Variants in CDH13 observed in about 807,000 individuals in gnomAD.
The protein encoded by CDH13 is cadherin 13.
A neutral mutation model predicts 63.8 loss-of-function variants in CDH13; 24 were observed. The ratio of observed to expected loss-of-function variants is 0.38; its 90% CI spans 0.27 to 0.53. CDH13 has a LOEUF of 0.53. Ranked by LOEUF, CDH13 falls within the 20% of genes least tolerant of loss-of-function variation. The pLI, the probability that CDH13 is intolerant of heterozygous loss-of-function variation, is 0.85. For synonymous variants in CDH13, 503 were observed against 355.3 expected, an observed-to-expected ratio of 1.42 and a Z score of -4.67; for missense variants, 1,049 against 903.1, an observed-to-expected ratio of 1.16 and a Z score of -2.07.
chr16:83,119,835 C>T (rs557556829), intron 3 of CDH13, among the ~76,000 whole-genome samples: 27 of 152,220 alleles, frequency 1.8e-4, no homozygotes, highest in African/African-American at 5.8e-4. Context: ...AGCACAGACT[C>T]GATCAAAGGT....
chr16:82,979,323 T>C (rs1459770362), intron 2 of CDH13, among the ~76,000 whole-genome samples: 3 of 152,144 alleles, frequency 2.0e-5, no homozygotes, highest in Admixed American at 2.0e-4. Flanking sequence ...GGCAGAATTG[T>C]CTTTTGAAAT....
chr16:82,834,362 G>A (rs2038674303), intron 1 of CDH13, among the ~76,000 whole-genome samples: 1 of 152,136 alleles, frequency 6.6e-6, no homozygotes, highest in South Asian at 2.1e-4. Context: ...AAACATGCAG[G>A]CATTTCTTTC....
chr16:83,559,596 AGAAGGAAG>A (rs1320823979), intron 7 of CDH13, among the ~76,000 whole-genome samples: 2 of 151,626 alleles, frequency 1.3e-5, no homozygotes, highest in African/African-American at 4.9e-5. Context: ...GAGAGAGAAA[AGAAGGAAG>A]GAAGGAAGGA....
At chr16:82,789,411 C>T (rs1366747166) in intron 1 of CDH13, among the ~76,000 whole-genome samples, 1 of 152,148 alleles carries the variant, frequency 6.6e-6, no homozygotes, top group African/African-American at 2.4e-5. Context: ...ACACAGCTCA[C>T]CTTTGATGGT....
rs143176439 is a variant in CDH13 at position 83,758,557 on chromosome 16, C to T, written c.1681+10307C>T. On this transcript the variant is annotated intron_variant, in intron 11 of 13. Coordinates refer to ENST00000567109, the MANE Select transcript of CDH13 (RefSeq NM_001257.5). The stretch of plus-strand genomic sequence containing the variant: ...TTTGTGACCTCAGTCCCAGCCAGAG[C>T]GAGAAGGCAAACAAAAGAAATACTA... Among the ~76,000 whole-genome samples, 1,125 of 151,834 alleles carry T rather than the reference C, an allele frequency of 7.4e-3. 7 individuals are homozygous for T. The highest frequency in any genetic ancestry group is 0.034 in the Middle Eastern group (10 of 294).
chr16:83,790,735 C>T (rs1370298447), intron 13 of CDH13, among the ~76,000 whole-genome samples: 5 of 152,092 alleles, frequency 3.3e-5, no homozygotes, highest in Non-Finnish European at 7.4e-5. Flanking sequence ...ATGTCAGTGG[C>T]ATGAAGTGGA....
At chr16:82,895,290 C>T (rs1028492371) in intron 2 of CDH13, among the ~76,000 whole-genome samples, 1 of 152,166 alleles carries the variant, frequency 6.6e-6, no homozygotes, top group African/African-American at 2.4e-5. Context: ...GAAGAAAAGA[C>T]ACCCACACAT....
chr16:83,759,321 G>A (rs1440479667), intron 11 of CDH13, among the ~76,000 whole-genome samples: 1 of 152,046 alleles, frequency 6.6e-6, no homozygotes, highest in African/African-American at 2.4e-5. Context: ...AATAAATAAG[G>A]CCAAGTTGAT....
intron 6 of CDH13, among the ~76,000 whole-genome samples, chr16:83,417,887 GGA>G (rs1555545889): frequency 6.6e-6 from 1 of 152,078 alleles, no homozygotes; most frequent in Admixed American, 6.6e-5. Context: ...CCAGTCAACT[GGA>G]GAGAGAGAGA....
At chr16:83,716,746 T>G (rs1908967036) in intron 10 of CDH13, among the ~76,000 whole-genome samples, 1 of 152,148 alleles carries the variant, frequency 6.6e-6, no homozygotes, top group Non-Finnish European at 1.5e-5. Flanking sequence ...CCTTCCAAAG[T>G]GCTGGGATTA....
chr16:83,406,179 T>C (rs2092041762), intron 6 of CDH13, among the ~76,000 whole-genome samples: 1 of 152,228 alleles, frequency 6.6e-6, no homozygotes, highest in African/African-American at 2.4e-5. Flanking sequence ...AGGGCAATTC[T>C]GAGATGTGCT....
At chr16:83,656,233 A>G (rs1912855968) in intron 8 of CDH13, among the ~76,000 whole-genome samples, 1 of 152,208 alleles carries the variant, frequency 6.6e-6, no homozygotes, top group Non-Finnish European at 1.5e-5. Flanking sequence ...GAGAAAAGAG[A>G]GGAATCAAAA....
Position 83,796,035 on chromosome 16 carries a change from T to C in CDH13, c.*1005T>C, listed in dbSNP as rs1391959309. 6.5e-6 allele frequency: 1 copy of C among 152,672 alleles called. No homozygotes were observed. The highest frequency in any genetic ancestry group is 2.4e-5 in the African/African-American group (1 of 41,466). The allele number at this position is 152,672 out of a possible 1,614,324, so 9.5% of individuals were successfully genotyped here. A position where few individuals can be genotyped will look rare whatever the true frequency, so the allele number is the denominator to read the frequency against. ...GCACATTCACGCTGTTTGTTTCATA[T>C]ATACAGGCATAAAATAGAGTAAATA... On this transcript the variant is annotated 3_prime_UTR_variant, in exon 14 of 14. Coordinates refer to ENST00000567109, the MANE Select transcript of CDH13 (RefSeq NM_001257.5).
At chr16:83,776,736 G>A (rs1412018490) in intron 11 of CDH13, among the ~76,000 whole-genome samples, 1 of 152,060 alleles carries the variant, frequency 6.6e-6, no homozygotes, top group African/African-American at 2.4e-5. Flanking sequence ...CCTCGTAGGG[G>A]TCATGACACA....
chr16:82,689,636 G>A (rs546688415), intron 1 of CDH13, among the ~76,000 whole-genome samples: 7 of 152,184 alleles, frequency 4.6e-5, no homozygotes, highest in South Asian at 4.1e-4. Flanking sequence ...ATGCCCTAAT[G>A]TTTAACATAA....
intron 11 of CDH13, chr16:83,772,904 G>A (rs186902691): frequency 6.6e-6 from 1 of 152,362 alleles, no homozygotes; most frequent in East Asian, 1.9e-4. Context: ...GAAAGGCAAA[G>A]CCTTTATTCA....
At chr16:82,820,366 C>A (rs528305619) in intron 1 of CDH13, among the ~76,000 whole-genome samples, 1 of 152,154 alleles carries the variant, frequency 6.6e-6, no homozygotes, top group African/African-American at 2.4e-5. Context: ...GTTCTAAATG[C>A]TTCATGGATA....
intron 2 of CDH13, among the ~76,000 whole-genome samples, chr16:83,028,897 G>A (rs1220224638): frequency 1.3e-5 from 2 of 152,112 alleles, no homozygotes; most frequent in African/African-American, 4.8e-5. Context: ...TCTCCATGGG[G>A]TATTGTCTTT....
At chr16:82,970,074 C>G (rs150912088) in intron 2 of CDH13, among the ~76,000 whole-genome samples, 20 of 152,162 alleles carry the variant, frequency 1.3e-4, no homozygotes, top group African/African-American at 4.8e-4. Context: ...TCTCCTAATG[C>G]TATCCCTCCC....
Sources: gnomAD v4.1 joint callset for allele counts (sites outside exome capture counted in the v4.1 genomes callset) on GRCh38, gnomAD v4.1.1 for gene constraint, MANE v1.5 for transcripts, NCBI Gene and HGNC (gene_info 2026-07-23, HGNC 2026-07-21) for gene names.